Variants in TMPRSS11F observed in about 807,000 individuals in gnomAD.
The protein encoded by TMPRSS11F is transmembrane protease serine 11F.
Under a neutral mutation model 60.2 loss-of-function variants are expected in TMPRSS11F, and 47 were observed. That is an observed-to-expected ratio of 0.78 (90% CI 0.62 to 1.00). The LOEUF (loss-of-function observed/expected upper bound fraction) is 1.00. TMPRSS11F is among the 50% of genes least tolerant of loss of function. TMPRSS11F has a pLI of 0.00. For synonymous variants in TMPRSS11F, 166 were observed against 167.3 expected (o/e 0.99, Z 0.06); for missense variants, 519 against 522.9 (o/e 0.99, Z 0.07).
intron 3 of TMPRSS11F, among the ~76,000 whole-genome samples, chr4:68,088,874 A>T (rs1560402284): frequency 6.6e-6 from 1 of 152,166 alleles, no homozygotes; most frequent in Non-Finnish European, 1.5e-5. Flanking sequence ...TACAAGGAGA[A>T]CTACGAAACA....
At chr4:68,121,746 T>C (rs1049451306) in intron 1 of TMPRSS11F, among the ~76,000 whole-genome samples, 2 of 152,188 alleles carry the variant, frequency 1.3e-5, no homozygotes, top group African/African-American at 2.4e-5. Context: ...GATGAAGATA[T>C]AATTGTCCTA....
At chr4:68,058,612 T>C (rs1280142475) in intron 9 of TMPRSS11F, among the ~76,000 whole-genome samples, 1 of 152,118 alleles carries the variant, frequency 6.6e-6, no homozygotes, top group Non-Finnish European at 1.5e-5. Flanking sequence ...GGAAATAAGC[T>C]AGATAAATAA....
intron 8 of TMPRSS11F, chr4:68,062,856 G>A (rs1462929442): frequency 3.8e-6 from 3 of 780,468 alleles, no homozygotes; most frequent in Non-Finnish European, 4.7e-6. Context: ...TATGTATTGG[G>A]TGGTCTGTTT....
At chr4:68,054,868 C>T (rs1723008275) in intron 9 of TMPRSS11F, among the ~76,000 whole-genome samples, 1 of 152,082 alleles carries the variant, frequency 6.6e-6, no homozygotes, top group Non-Finnish European at 1.5e-5. Flanking sequence ...ACAACAACAA[C>T]AACAACAATA....
chr4:68,120,624 G>A (rs1724606924), intron 1 of TMPRSS11F, among the ~76,000 whole-genome samples: 1 of 152,006 alleles, frequency 6.6e-6, no homozygotes, highest in Non-Finnish European at 1.5e-5. Context: ...TCCTGACCTC[G>A]TGATCCGCCC....
intron 3 of TMPRSS11F, among the ~76,000 whole-genome samples, chr4:68,086,792 G>A (rs930417933): frequency 2.0e-5 from 3 of 151,926 alleles, no homozygotes; most frequent in Admixed American, 1.3e-4. Context: ...ATAAATTATT[G>A]GTAACATATA....
Position 68,098,892 on chromosome 4 carries a change from A to G in TMPRSS11F, c.158T>C (p.Val53Ala). Residue 53 changes from valine (V) to alanine (A), a missense_variant, in exon 2 of 10, where the codon GTT becomes GCT. Coordinates refer to ENST00000356291, the MANE Select transcript of TMPRSS11F (RefSeq NM_207407.2). Reference protein sequence around the residue: ...IAIGIVTHFVVEDDKSFYYLA... With the variant: ...IAIGIVTHFVAEDDKSFYYLA... ...ACTGTGACCTGGATACTTACCCTCA[A>G]CAACAAAATGAGTAACAATACCAAT... 4 of 1,609,618 alleles carry G rather than the reference A, an allele frequency of 2.5e-6. No individual in the cohort carries two copies. Among genetic ancestry groups the G allele is most frequent in the Non-Finnish European group, 3.4e-6 (4 of 1,178,106 alleles).
At chr4:68,059,292 C>G (rs760822690) in intron 9 of TMPRSS11F, 34 bp downstream of exon 9, 3 of 1,603,418 alleles carry the variant, frequency 1.9e-6, no homozygotes, top group Non-Finnish European at 2.6e-6. Context: ...TGGAAACTTT[C>G]CTCATAAACT....
chr4:68,084,699 C>T (rs191215152), intron 3 of TMPRSS11F, among the ~76,000 whole-genome samples: 1 of 152,208 alleles, frequency 6.6e-6, no homozygotes, highest in East Asian at 1.9e-4. Context: ...CCAGCTACCA[C>T]AGAAACACAT....
At chr4:68,104,439 T>C (rs1724257978) in intron 1 of TMPRSS11F, among the ~76,000 whole-genome samples, 1 of 152,136 alleles carries the variant, frequency 6.6e-6, no homozygotes, top group Non-Finnish European at 1.5e-5. Context: ...TCCATGCTGT[T>C]CTCATGATAG....
At chr4:68,118,841 A>G (rs1250756523) in intron 1 of TMPRSS11F, among the ~76,000 whole-genome samples, 2 of 152,218 alleles carry the variant, frequency 1.3e-5, no homozygotes, top group African/African-American at 4.8e-5. Flanking sequence ...GAACATTTAA[A>G]TGAAGACCTG....
At chr4:68,103,913 C>T (rs1394255407) in intron 1 of TMPRSS11F, among the ~76,000 whole-genome samples, 2 of 151,924 alleles carry the variant, frequency 1.3e-5, no homozygotes, top group African/African-American at 4.8e-5. Flanking sequence ...ATTTTTGATA[C>T]TATTGGAAAT....
intron 3 of TMPRSS11F, among the ~76,000 whole-genome samples, chr4:68,079,949 T>C (rs1723657820): frequency 1.3e-5 from 2 of 152,224 alleles, no homozygotes; most frequent in Non-Finnish European, 2.9e-5. Context: ...GCAGATTAAG[T>C]CCTCAAGGAA....
intron 1 of TMPRSS11F, among the ~76,000 whole-genome samples, chr4:68,117,147 GC>G (rs1724538657): frequency 7.4e-6 from 1 of 135,244 alleles, no homozygotes; most frequent in South Asian, 2.4e-4. Context: ...CAACTCAATA[GC>G]AAAAGACCAA....
chr4:68,100,705 G>C (rs1724175050), intron 1 of TMPRSS11F, among the ~76,000 whole-genome samples: 1 of 152,052 alleles, frequency 6.6e-6, no homozygotes, highest in African/African-American at 2.4e-5. Context: ...TTGGGTCTGG[G>C]TCTGAACCAA....
At chr4:68,119,851 C>T (rs147547804) in intron 1 of TMPRSS11F, among the ~76,000 whole-genome samples, 1 of 152,246 alleles carries the variant, frequency 6.6e-6, no homozygotes, top group African/African-American at 2.4e-5. Context: ...TTAAGACATA[C>T]ATTGATAAGG....
chr4:68,114,587 C>CA (rs1724476520), intron 1 of TMPRSS11F, among the ~76,000 whole-genome samples: 1 of 151,702 alleles, frequency 6.6e-6, no homozygotes, highest in Non-Finnish European at 1.5e-5. Flanking sequence ...TGCCAGAAAA[C>CA]AACAGATTCT....
In TMPRSS11F at chr4:68,112,264, G is replaced by A. The variant is rs73823610; in HGVS notation, c.12-13226C>T. On this transcript the variant is annotated intron_variant, in intron 1 of 9. Transcript: ENST00000356291. ...AACATGCCCCCACACTTAACTGATC[G>A]TGCTCAAGCTGTGGGCCCCATCGGC... Among the ~76,000 whole-genome samples the A allele has an allele frequency of 9.2e-3, 1,397 of 151,658 alleles. 28 individuals carry two copies. The highest frequency in any genetic ancestry group is 0.031 in the African/African-American group (1,270 of 41,320).
At chr4:68,074,198 G>T (rs1247286214) in intron 3 of TMPRSS11F, among the ~76,000 whole-genome samples, 189 bp from the exon 4 acceptor site, 1 of 152,150 alleles carries the variant, frequency 6.6e-6, no homozygotes, top group Non-Finnish European at 1.5e-5. Flanking sequence ...ACTGACAGTT[G>T]TAAGACTAAA....
Sources: allele counts gnomAD v4.1 joint callset (sites outside exome capture counted in the v4.1 genomes callset), GRCh38; gene constraint gnomAD v4.1.1; transcripts MANE v1.5; gene names NCBI Gene and HGNC (gene_info 2026-07-23, HGNC 2026-07-21).